MLLT3: variants seen among roughly 807,000 people sequenced by gnomAD.
MLLT3 encodes the protein MLLT3 super elongation complex subunit, also known as protein AF-9.
A neutral mutation model predicts 53.2 loss-of-function variants in MLLT3; 4 were observed. That is an observed-to-expected ratio of 0.08 (90% CI 0.04 to 0.17). MLLT3 has a LOEUF of 0.17. MLLT3 is among the 10% of genes least tolerant of loss of function. MLLT3 has a pLI of 1.00. For synonymous variants in MLLT3, 283 were observed against 230.6 expected, an observed-to-expected ratio of 1.23 and a Z score of -2.06; for missense variants, 569 against 684.0, an observed-to-expected ratio of 0.83 and a Z score of 1.87.
intron 2 of MLLT3, among the ~76,000 whole-genome samples, chr9:20,549,679 G>A (rs1022819502): frequency 5.9e-5 from 9 of 152,162 alleles, no homozygotes; most frequent in East Asian, 3.8e-4. Context: ...TAACCACTAC[G>A]CTGTACAGCC....
Position 20,344,985 on chromosome 9 carries a change from A to T in MLLT3, c.*1458T>A, listed in dbSNP as rs1311561389. 4 of 216,034 alleles carry T rather than the reference A, an allele frequency of 1.9e-5. No individual in the cohort carries two copies. Among genetic ancestry groups the T allele is most frequent in the Non-Finnish European group, 3.7e-5 (4 of 107,182 alleles). 13.4% of individuals were successfully genotyped at this position (216,034 alleles called of 1,614,324 possible). ...CTTTTCGGCTGAATTTCTAGTAAAA[A>T]CTTTGAAGATGAGCTGTTCTTACTT... On this transcript the variant is annotated 3_prime_UTR_variant, in exon 11 of 11. Coordinates refer to ENST00000380338, the MANE Select transcript of MLLT3 (RefSeq NM_004529.4).
intron 4 of MLLT3, among the ~76,000 whole-genome samples, chr9:20,426,520 A>G (rs543588745): frequency 6.6e-6 from 1 of 152,326 alleles, no homozygotes; most frequent in South Asian, 2.1e-4. Context: ...TGCATAAATA[A>G]AAGCCCAAAG....
At chr9:20,588,662 G>C (rs1291176458) in intron 2 of MLLT3, among the ~76,000 whole-genome samples, 3 of 152,164 alleles carry the variant, frequency 2.0e-5, no homozygotes, top group African/African-American at 7.2e-5. Flanking sequence ...TTGGTGTACA[G>C]GAATGCCTGT....
chr9:20,448,294 A>T lies in MLLT3; in HGVS notation c.277-28T>A. 6.2e-7 allele frequency: 1 copy of T among 1,607,904 alleles called. No homozygotes were observed. On this transcript the variant is annotated intron_variant, in intron 3 of 10. Coordinates refer to ENST00000380338, the MANE Select transcript of MLLT3 (RefSeq NM_004529.4). The surrounding 1 kb of genome is among the most constrained non-coding windows in gnomAD (Gnocchi z 4.0). The stretch of plus-strand genomic sequence containing the variant: ...GGAGGTTAACAAAAATTATGAAAGA[A>T]AAAAGAGAGTGAGGCATAAGTGAAA...
In MLLT3 at chr9:20,414,215, A is replaced by C; in HGVS notation, c.631T>G (p.Ser211Ala). Reference sequence around the variant, plus strand: ...TTGAAGGCACTTTTATGTTCTCTGGAGTCTTTAGAAGGTTTTTCCTTGTGC... The same window carrying C: ...TTGAAGGCACTTTTATGTTCTCTGGCGTCTTTAGAAGGTTTTTCCTTGTGC... ...KEHKEKPSKDSREHKSAFKEP... is the reference protein window; with the variant it reads ...KEHKEKPSKDAREHKSAFKEP... The change falls in exon 5 of 11, where the codon TCC becomes GCC. Residue 211 changes from serine to alanine, a missense_variant. Ser to Ala is a moderately conservative substitution (Grantham distance 99). This residue lies in a region of MLLT3 where 437 missense variants were observed against 376.5 expected (regional missense o/e 1.16). Transcript: ENST00000380338. The C allele has an allele frequency of 6.2e-7, 1 of 1,614,010 alleles. No individual in the cohort carries two copies. Among genetic ancestry groups the C allele is most frequent in the Non-Finnish European group, 8.5e-7 (1 of 1,179,994 alleles).
At position 20,343,451 on chromosome 9, in the gene MLLT3, T is replaced by C. The variant is rs1469675662; in HGVS notation, c.*2992A>G. The C allele has an allele frequency of 1.3e-5, 3 of 223,572 alleles. No homozygotes were observed. The highest frequency in any genetic ancestry group is 2.7e-5 in the Non-Finnish European group (3 of 112,078). The allele number at this position is 223,572 out of a possible 1,614,324, so 13.8% of individuals were successfully genotyped here. ...GTATTAAGATTGAGAGAGAGGCAGA[T>C]TATGCTGAGGATGGTGAAGTAACTG... On this transcript the variant is annotated 3_prime_UTR_variant, in exon 11 of 11. Coordinates refer to ENST00000380338, the MANE Select transcript of MLLT3 (RefSeq NM_004529.4).
chr9:20,531,664 A>G (rs1265375422), intron 2 of MLLT3, among the ~76,000 whole-genome samples: 1 of 152,186 alleles, frequency 6.6e-6, no homozygotes, highest in Non-Finnish European at 1.5e-5. Context: ...TTCTAAGACA[A>G]GAAGTATGCC....
chr9:20,389,502 T>C (rs1006698527), intron 5 of MLLT3, among the ~76,000 whole-genome samples: 3 of 152,170 alleles, frequency 2.0e-5, no homozygotes, highest in African/African-American at 7.2e-5. Context: ...AGACCAGGCA[T>C]GGTGGCTCAT....
intron 2 of MLLT3, among the ~76,000 whole-genome samples, chr9:20,475,071 G>C (rs770047436): frequency 2.0e-5 from 3 of 152,034 alleles, no homozygotes; most frequent in Non-Finnish European, 4.4e-5. Flanking sequence ...CCGGGGGGTG[G>C]GAACTGAATG....
chr9:20,351,401 G>A (rs1448583172), intron 10 of MLLT3, among the ~76,000 whole-genome samples: 12 of 152,276 alleles, frequency 7.9e-5, no homozygotes, highest in African/African-American at 2.4e-4. Flanking sequence ...AAATAAATGT[G>A]GAACATGTGG....
intron 2 of MLLT3, among the ~76,000 whole-genome samples, chr9:20,581,842 G>T (rs10811371): frequency 6.6e-6 from 1 of 151,764 alleles, no homozygotes; most frequent in Non-Finnish European, 1.5e-5. Context: ...AACAACAACA[G>T]AAATGCATTT....
chr9:20,505,788 T>C (rs1825366129), intron 2 of MLLT3, among the ~76,000 whole-genome samples: 1 of 152,152 alleles, frequency 6.6e-6, no homozygotes, highest in African/African-American at 2.4e-5. Flanking sequence ...CTCGGAAGGC[T>C]TATGTTACAG....
At chr9:20,381,793 T>C (rs1821914393) in intron 5 of MLLT3, among the ~76,000 whole-genome samples, 1 of 151,854 alleles carries the variant, frequency 6.6e-6, no homozygotes, top group East Asian at 1.9e-4. Context: ...GAGAAAATCA[T>C]TTTGGATGAA....
rs192572075 is a variant in MLLT3 at position 20,519,758 on chromosome 9, A to G, written c.194-62972T>C. On this transcript the variant is annotated intron_variant, in intron 2 of 10. Coordinates refer to ENST00000380338, the MANE Select transcript of MLLT3 (RefSeq NM_004529.4). ...TTATACACTGTTGGTGGGAGTGTAA[A>G]TTAGTTCAACCATTGTGGAAGACAG... 2.0e-5 allele frequency among the ~76,000 whole-genome samples: 3 copies of G among 152,354 alleles called. No individual in the cohort carries two copies. In the East Asian group the frequency reaches 5.8e-4, roughly 29 times the overall value.
intron 2 of MLLT3, among the ~76,000 whole-genome samples, chr9:20,548,434 T>C (rs1305854297): frequency 1.3e-5 from 2 of 152,206 alleles, no homozygotes; most frequent in East Asian, 3.9e-4. Flanking sequence ...GTCTGAACAA[T>C]GGTAAATGAA....
chr9:20,573,762 T>C (rs995849815), intron 2 of MLLT3, among the ~76,000 whole-genome samples: 1 of 152,216 alleles, frequency 6.6e-6, no homozygotes, highest in Non-Finnish European at 1.5e-5. Context: ...AAAAACAGTG[T>C]TAACAGTAAC....
intron 2 of MLLT3, among the ~76,000 whole-genome samples, chr9:20,469,781 T>C (rs946235652): frequency 3.3e-5 from 5 of 151,328 alleles, no homozygotes; most frequent in Admixed American, 1.3e-4. Flanking sequence ...TTTCACTGAG[T>C]CTGTTTTAAA....
rs779609659 is a variant in MLLT3, at chr9:20,622,230, T to A, written c.12+15A>T. 2 of 1,602,860 alleles carry A rather than the reference T, an allele frequency of 1.2e-6. No homozygotes were observed. Among genetic ancestry groups the A allele is most frequent in the Non-Finnish European group, 8.5e-7 (1 of 1,173,976 alleles). On this transcript the variant is annotated intron_variant, in intron 1 of 10. Coordinates refer to ENST00000380338, the MANE Select transcript of MLLT3 (RefSeq NM_004529.4). Reference sequence around the variant, plus strand: ...GTGGGGGAGGGCTTTTATTATTATTTTTGCGCGTACTTACCGAGCTAGCCA... The same window carrying A: ...GTGGGGGAGGGCTTTTATTATTATTATTGCGCGTACTTACCGAGCTAGCCA...
At chr9:20,552,770 A>G (rs559336261) in intron 2 of MLLT3, among the ~76,000 whole-genome samples, 8 of 152,288 alleles carry the variant, frequency 5.3e-5, no homozygotes, top group African/African-American at 1.7e-4. Context: ...GTTTTAATAG[A>G]AAGTTTAAGA....
Sources: allele counts gnomAD v4.1 joint callset (sites outside exome capture counted in the v4.1 genomes callset), GRCh38; gene constraint gnomAD v4.1.1; regional missense constraint gnomAD v4.1.1; non-coding constraint Gnocchi (gnomAD v3.1); transcripts MANE v1.5; gene names NCBI Gene and HGNC (gene_info 2026-07-23, HGNC 2026-07-21).